The following ADARB2 variants were observed in gnomAD, a reference collection of about 807,000 sequenced individuals.
The protein encoded by ADARB2 is adenosine deaminase RNA specific B2 (inactive).
Under a neutral mutation model 62.2 loss-of-function variants are expected in ADARB2, and 25 were observed. The observed-to-expected ratio is 0.40, with a 90% confidence interval of 0.29 to 0.56. The LOEUF (loss-of-function observed/expected upper bound fraction) is 0.56, where lower values mean the gene tolerates loss of function less well. Ranked by LOEUF, ADARB2 falls within the 20% of genes least tolerant of loss-of-function variation. The pLI is 0.43. For synonymous variants in ADARB2, 572 were observed against 500.8 expected, an observed-to-expected ratio of 1.14 and a Z score of -1.90; for missense variants, 1,071 against 1,077.4, an observed-to-expected ratio of 0.99 and a Z score of 0.08.
chr10:1,319,735 A>C (rs188386823), intron 3 of ADARB2, among the ~76,000 whole-genome samples: 32 of 152,312 alleles, frequency 2.1e-4, no homozygotes, highest in Admixed American at 1.7e-3. Flanking sequence ...GCCCTGTCCG[A>C]GTACCTACCT....
intron 3 of ADARB2, among the ~76,000 whole-genome samples, chr10:1,317,061 G>A (rs1245776264): frequency 6.6e-6 from 1 of 152,206 alleles, no homozygotes; most frequent in African/African-American, 2.4e-5. Flanking sequence ...GCACTGCCGT[G>A]GCAAAATAAA....
At chr10:1,393,989 A>G (rs1235555412) in intron 1 of ADARB2, among the ~76,000 whole-genome samples, 2 of 152,212 alleles carry the variant, frequency 1.3e-5, no homozygotes, top group Non-Finnish European at 2.9e-5. Context: ...GTTGCCTGAC[A>G]TCATCCTCGT....
chr10:1,233,558 G>A, intron 6 of ADARB2, 136 bp downstream of exon 6: 1 of 923,218 alleles, frequency 1.1e-6, no homozygotes, highest in Non-Finnish European at 1.5e-6. Flanking sequence ...ACTAATTGTA[G>A]ACTCAATCCC....
intron 1 of ADARB2, among the ~76,000 whole-genome samples, chr10:1,454,470 A>G (rs1381479860): frequency 6.6e-6 from 1 of 152,260 alleles, no homozygotes; most frequent in African/African-American, 2.4e-5. Context: ...ATGTGCAAAG[A>G]AAATGTGGAA....
At chr10:1,220,199 TG>T (rs1162661791) in intron 6 of ADARB2, among the ~76,000 whole-genome samples, 1 of 144,194 alleles carries the variant, frequency 6.9e-6, no homozygotes, top group Non-Finnish European at 1.5e-5. Context: ...ATGATGATGA[TG>T]GTAATGGTGG....
At chr10:1,368,672 C>G (rs1044578083) in intron 2 of ADARB2, among the ~76,000 whole-genome samples, 1 of 152,312 alleles carries the variant, frequency 6.6e-6, no homozygotes, top group South Asian at 2.1e-4. Flanking sequence ...CTCTGGTTGG[C>G]AAGGCAAGAA....
At chr10:1,589,448 C>CGGGGTGTCCATGGTT (rs1460401349) in intron 1 of ADARB2, among the ~76,000 whole-genome samples, 1 of 151,554 alleles carries the variant, frequency 6.6e-6, no homozygotes. Flanking sequence ...TGTCCATGGT[C>CGGGGTGTCCATGGTT]GGGGTGTCCA....
chr10:1,557,614 A>G (rs1832723808), intron 1 of ADARB2, among the ~76,000 whole-genome samples: 1 of 152,198 alleles, frequency 6.6e-6, no homozygotes, highest in Admixed American at 6.5e-5. Context: ...TTATCAAAAG[A>G]ACTTCCGGGC....
rs533474143 is a variant in ADARB2, at chr10:1,575,812, C to T, written c.100+161239G>A. On this transcript the variant is annotated intron_variant, in intron 1 of 9. Transcript: ENST00000381312. ...TCTGGCCTTGGGGCAGTGCCAGGGT[C>T]GTTTCTGAATCAGCTCAACCCAGTC... 1.7e-4 allele frequency among the ~76,000 whole-genome samples: 26 copies of T among 152,270 alleles called. No individual in the cohort carries two copies. The South Asian group carries it at 4.3e-3, about 25-fold the overall frequency.
chr10:1,721,703 A>T (rs1442772305), intron 1 of ADARB2, among the ~76,000 whole-genome samples: 3 of 152,202 alleles, frequency 2.0e-5, no homozygotes, highest in Admixed American at 6.5e-5. Context: ...TGTCACATAC[A>T]ATATTATCTC....
At chr10:1,393,320 A>C (rs1832586138) in intron 1 of ADARB2, among the ~76,000 whole-genome samples, 1 of 152,246 alleles carries the variant, frequency 6.6e-6, no homozygotes, top group African/African-American at 2.4e-5. Flanking sequence ...ATCATGGAAA[A>C]CGTGGTATCC....
At chr10:1,252,272 G>C (rs1330345291) in intron 4 of ADARB2, among the ~76,000 whole-genome samples, 1 of 152,198 alleles carries the variant, frequency 6.6e-6, no homozygotes, top group Non-Finnish European at 1.5e-5. Flanking sequence ...AATTATAGAA[G>C]ATATAGAGAG....
intron 3 of ADARB2, among the ~76,000 whole-genome samples, chr10:1,331,961 T>C (rs532733199): frequency 6.6e-6 from 1 of 152,282 alleles, no homozygotes; most frequent in South Asian, 2.1e-4. Context: ...TTGAACAGTT[T>C]GGGAAATTTT....
chr10:1,672,370 G>C (rs1027911365), intron 1 of ADARB2, among the ~76,000 whole-genome samples: 9 of 152,120 alleles, frequency 5.9e-5, no homozygotes, highest in African/African-American at 2.2e-4. Context: ...CTTCTTGAAG[G>C]AACGCTGCTG....
rs869235052 is a variant in ADARB2, at chr10:1,464,442, GCA to G, written c.101-85284_101-85283del. On this transcript the variant is annotated intron_variant, in intron 1 of 9. Coordinates refer to ENST00000381312, the MANE Select transcript of ADARB2 (RefSeq NM_018702.4). ...GCGGGGGCCAGTCACAGCGGGCAGT[GCA>G]CCGGAGAAGAGGGTGGACACACACT... Among the ~76,000 whole-genome samples the G allele has an allele frequency of 2.2e-4, 24 of 109,984 alleles. 5 individuals are homozygous for G. Among genetic ancestry groups the G allele is most frequent in the East Asian group, 5.5e-4 (2 of 3,660 alleles). The allele number at this position is 109,984 out of a possible 152,430, so 72.2% of individuals were successfully genotyped here.
At chr10:1,307,305 T>G (rs1173009728) in intron 3 of ADARB2, among the ~76,000 whole-genome samples, 1 of 102,348 alleles carries the variant, frequency 9.8e-6, no homozygotes, top group South Asian at 5.3e-4. Context: ...AAGACATTTA[T>G]GCAGCCAAAA....
intron 1 of ADARB2, among the ~76,000 whole-genome samples, chr10:1,619,711 A>G (rs1833685360): frequency 6.6e-6 from 1 of 152,204 alleles, no homozygotes; most frequent in African/African-American, 2.4e-5. Flanking sequence ...TGGCCTCCCA[A>G]AGTGCTGGGA....
chr10:1,698,949 T>C (rs932703839), intron 1 of ADARB2, among the ~76,000 whole-genome samples: 4 of 152,068 alleles, frequency 2.6e-5, no homozygotes, highest in Admixed American at 6.6e-5. Context: ...TTAGTAGAGA[T>C]TGGGTTTCGC....
chr10:1,469,924 C>T (rs1831299564), intron 1 of ADARB2, among the ~76,000 whole-genome samples: 1 of 152,210 alleles, frequency 6.6e-6, no homozygotes, highest in South Asian at 2.1e-4. Context: ...AAACAGGGCT[C>T]TCCTAGGGAA....
Sources: allele counts gnomAD v4.1 joint callset (sites outside exome capture counted in the v4.1 genomes callset), GRCh38; gene constraint gnomAD v4.1.1; transcripts MANE v1.5; gene names NCBI Gene and HGNC (gene_info 2026-07-23, HGNC 2026-07-21).